The following ZMYND8 variants were observed in gnomAD, a reference collection of about 807,000 sequenced individuals.
ZMYND8 encodes MYND-type zinc finger-containing chromatin reader ZMYND8.
Under a neutral mutation model 140.8 loss-of-function variants are expected in ZMYND8, and 37 were observed. The ratio of observed to expected loss-of-function variants is 0.26; its 90% CI spans 0.20 to 0.35. The LOEUF (loss-of-function observed/expected upper bound fraction) is 0.35. ZMYND8 is among the 10% of genes least tolerant of loss of function. The pLI is 1.00. For missense variants in ZMYND8, 1,068 were observed against 1,570.0 expected, an observed-to-expected ratio of 0.68 and a Z score of 5.40; for synonymous variants, 592 against 597.1, an observed-to-expected ratio of 0.99 and a Z score of 0.12.
At chr20:47,212,496 G>T in intron 22 of ZMYND8, 146 bp downstream of exon 22, 1 of 880,680 alleles carries the variant, frequency 1.1e-6, no homozygotes. Context: ...CAGCGAAGAA[G>T]AAACGTTGCA....
At chr20:47,233,909 C>G (rs1209011577) in intron 16 of ZMYND8, among the ~76,000 whole-genome samples, 2 of 152,222 alleles carry the variant, frequency 1.3e-5, no homozygotes, top group East Asian at 3.8e-4. Context: ...TCCCAACCTA[C>G]TAATATTTTG....
At position 47,351,720 on chromosome 20, in the gene ZMYND8, CAG is replaced by C. The variant is rs1428703843; in HGVS notation, c.15-3796_15-3795del. ...TATATAAGCACTCACCTAAAACAGG[CAG>C]AGTCATCGGTAGCTAAGCTATTTAT... On this transcript the variant is annotated intron_variant, in intron 1 of 22. Transcript: ENST00000471951. 9.1e-6 allele frequency: 9 copies of C among 985,268 alleles called. No homozygotes were observed. In the African/African-American group the frequency reaches 1.2e-4, roughly 13 times the overall value. 61.0% of individuals were successfully genotyped at this position (985,268 alleles called of 1,614,324 possible). A position where few individuals can be genotyped will look rare whatever the true frequency, so the allele number is the denominator to read the frequency against.
At chr20:47,269,642 G>T (rs1369169179) in intron 11 of ZMYND8, among the ~76,000 whole-genome samples, 1 of 152,190 alleles carries the variant, frequency 6.6e-6, no homozygotes, top group Non-Finnish European at 1.5e-5. Flanking sequence ...CTGCGTGAAG[G>T]GTTGTTCTGA....
At position 47,220,270 on chromosome 20, in the gene ZMYND8, T is replaced by C; in HGVS notation, c.3472A>G (p.Asn1158Asp). Reference sequence around the variant, plus strand: ...GGGGGCAACATACCAGAGCCTTGGTTGGAGCCTAAGAGAATGGAGGAGGGC... The same window carrying C: ...GGGGGCAACATACCAGAGCCTTGGTCGGAGCCTAAGAGAATGGAGGAGGGC... ...ETPSSILLGS[N>D]QGSVSKRCDK... Residue 1158 changes from asparagine (N) to aspartate (D), a missense_variant, in exon 21 of 23, where the codon AAC becomes GAC. By Grantham distance (23) the Asn-to-Asp change is conservative. Transcript: ENST00000471951. 6 of 1,563,220 alleles carry C rather than the reference T, an allele frequency of 3.8e-6. No individual in the cohort carries two copies. In the South Asian group the frequency reaches 7.1e-5, roughly 18 times the overall value.
At chr20:47,321,783 C>T (rs892460233) in intron 2 of ZMYND8, among the ~76,000 whole-genome samples, 1 of 151,638 alleles carries the variant, frequency 6.6e-6, no homozygotes, top group African/African-American at 2.4e-5. Context: ...TAACAGCTAC[C>T]TTTTATTGAG....
At chr20:47,229,649 G>T in intron 17 of ZMYND8, 77 bp downstream of exon 17, 2 of 1,412,858 alleles carry the variant, frequency 1.4e-6, no homozygotes, top group Non-Finnish European at 2.0e-6. Flanking sequence ...TTCCAGAGAA[G>T]CTTCTTCATG....
At chr20:47,223,598 G>T (rs929780557) in intron 19 of ZMYND8, among the ~76,000 whole-genome samples, 8 of 152,028 alleles carry the variant, frequency 5.3e-5, no homozygotes, top group African/African-American at 1.7e-4. Context: ...GCCAAGGTAG[G>T]TGGATCACCT....
At chr20:47,234,464 A>G (rs1219911994) in intron 16 of ZMYND8, among the ~76,000 whole-genome samples, 1 of 152,244 alleles carries the variant, frequency 6.6e-6, no homozygotes, top group Non-Finnish European at 1.5e-5. Flanking sequence ...GCCACCACCT[A>G]AATGACCTTG....
chr20:47,276,477 GC>G lies in ZMYND8; in HGVS notation c.1316del (p.Gly439AlafsTer16). The G allele has an allele frequency of 6.2e-7, 1 of 1,614,064 alleles. No individual in the cohort carries two copies. The highest frequency in any genetic ancestry group is 8.5e-7 in the Non-Finnish European group (1 of 1,180,008). Reference sequence around the variant, plus strand: ...CCGACAAGGAAATCCGGCGGCCTGTGCCCCCACTCAGCACAGGCTTGCTCAT... The same window carrying G: ...CCGACAAGGAAATCCGGCGGCCTGTGCCCCACTCAGCACAGGCTTGCTCAT... Reference protein sequence around the residue: ...ILMSKPVLSGGTGRRISLSDM... With the variant: ...ILMSKPVLSGXTGRRISLSDM... On this transcript the variant is annotated frameshift_variant, in exon 11 of 23. Transcript: ENST00000471951. LOFTEE classifies it high-confidence loss of function.
intron 2 of ZMYND8, among the ~76,000 whole-genome samples, chr20:47,321,851 C>T (rs972270161): frequency 1.3e-5 from 2 of 149,012 alleles, no homozygotes; most frequent in Non-Finnish European, 2.9e-5. Flanking sequence ...TTAAAACTCG[C>T]CGCCCTTTTT....
intron 2 of ZMYND8, among the ~76,000 whole-genome samples, chr20:47,326,349 G>A (rs112302417): frequency 9.7e-4 from 147 of 152,168 alleles, no homozygotes; most frequent in African/African-American, 3.0e-3. Context: ...TGATCCACCC[G>A]CCTCGGCCTC....
chr20:47,282,335 A>T (rs1168562772), intron 9 of ZMYND8, 118 bp from the exon 10 acceptor site: 2 of 803,314 alleles, frequency 2.5e-6, no homozygotes, highest in African/African-American at 3.5e-5. Context: ...GTGGAAAAAG[A>T]GTTTCAAGCA....
At chr20:47,354,774 T>C (rs1469516839) in intron 1 of ZMYND8, 2 of 152,192 alleles carry the variant, frequency 1.3e-5, no homozygotes, top group African/African-American at 4.8e-5. Context: ...ACTGAACTTC[T>C]AGGGAAATTC....
Position 47,210,766 on chromosome 20 carries a change from C to T in ZMYND8, c.3700G>A (p.Asp1234Asn). The T allele has an allele frequency of 6.2e-7, 1 of 1,614,148 alleles. No homozygotes were observed. Residue 1234 changes from aspartate (D) to asparagine (N), a missense_variant, in exon 23 of 23, where the codon GAC becomes AAC. Physicochemically the swap from Asp to Asn is conservative, Grantham distance 23. Around this residue, in one of 10 missense-constraint regions of ZMYND8, gnomAD observed 180 missense variants for 187.8 expected, o/e 0.96. Coordinates refer to ENST00000471951, the MANE Select transcript of ZMYND8 (RefSeq NM_001281775.3). ...PKESRLDTFW[D>N] ...GTTTGTGTCCCGATTCACTGCTAGT[C>T]CCAGAAGGTGTCCAGCCGAGACTCT...
intron 12 of ZMYND8, among the ~76,000 whole-genome samples, chr20:47,255,736 A>ATATATATATATATATACGG (rs2074608736): frequency 3.0e-5 from 1 of 33,518 alleles, no homozygotes; most frequent in African/African-American, 1.2e-4. Context: ...ATATATATAT[A>ATATATATATATATATACGG]TATATATATA....
chr20:47,275,834 C>T (rs1483788986), intron 11 of ZMYND8, among the ~76,000 whole-genome samples: 2 of 152,124 alleles, frequency 1.3e-5, no homozygotes, highest in Admixed American at 6.5e-5. Context: ...GTCTGGAACT[C>T]CCAAGCTAAA....
At chr20:47,355,555 A>T in intron 1 of ZMYND8, 1 of 950,704 alleles carries the variant, frequency 1.1e-6, no homozygotes, top group Non-Finnish European at 1.3e-6. Context: ...AAACAGTTAC[A>T]TGGTATTATT....
At chr20:47,225,603 G>GA (rs2037602728) in intron 18 of ZMYND8, among the ~76,000 whole-genome samples, 8 of 86,496 alleles carry the variant, frequency 9.2e-5, no homozygotes, top group African/African-American at 3.9e-4. Context: ...GGAAGGAGGG[G>GA]ATGGGAGGGG....
At chr20:47,256,551 C>T (rs1262424122) in intron 12 of ZMYND8, among the ~76,000 whole-genome samples, 2 of 152,112 alleles carry the variant, frequency 1.3e-5, no homozygotes, top group Non-Finnish European at 2.9e-5. Flanking sequence ...ACCCAGGAGG[C>T]GGAGCTTACA....
Sources: allele counts gnomAD v4.1 joint callset (sites outside exome capture counted in the v4.1 genomes callset), GRCh38; gene constraint gnomAD v4.1.1; regional missense constraint gnomAD v4.1.1; transcripts MANE v1.5; gene names NCBI Gene and HGNC (gene_info 2026-07-23, HGNC 2026-07-21).